The following MCM8 variants were observed in gnomAD, a reference collection of about 807,000 sequenced individuals.
The protein encoded by MCM8 is DNA helicase MCM8.
MCM8 carries 85 observed loss-of-function variants against 98.9 expected under a neutral mutation model. The observed-to-expected ratio is 0.86, with a 90% CI of 0.72 to 1.03. The LOEUF (loss-of-function observed/expected upper bound fraction) is 1.03, where lower values mean the gene tolerates loss of function less well. Ranked by LOEUF, MCM8 falls within the 50% of genes least tolerant of loss-of-function variation. The probability of loss-of-function intolerance (pLI) is 0.00; values close to 1 mark genes in which losing one functional copy is unlikely to be tolerated. For synonymous variants in MCM8, 352 were observed against 338.6 expected (o/e 1.04, Z -0.44); for missense variants, 951 against 997.8 (o/e 0.95, Z 0.63).
intron 10 of MCM8, 81 bp downstream of exon 10, chr20:5,968,106 C>G: frequency 8.1e-7 from 1 of 1,238,780 alleles, no homozygotes. Flanking sequence ...AAAAACTAGT[C>G]AAAATGGTCG....
rs61547047 is a variant in MCM8 at position 5,953,719 on chromosome 20, C to T, written c.254-889C>T. ...TGATCTCCTGACCTCGTTATCCGCC[C>T]GCCTCGGCCTCCCAAAGTGCTAGGA... is the stretch of plus-strand genomic sequence containing the variant. On this transcript the variant is annotated intron_variant, in intron 3 of 18. Transcript: ENST00000610722. Among the ~76,000 whole-genome samples the T allele has an allele frequency of 0.016, 2,439 of 151,908 alleles. 165 individuals are homozygous for T. In the East Asian group the frequency reaches 0.23, roughly 15 times the overall value.
rs1296274282 is a variant in MCM8 at position 5,955,264 on chromosome 20, C to T, written c.486+13C>T. 4 of 1,604,726 alleles carry T rather than the reference C, an allele frequency of 2.5e-6. No individual in the cohort carries two copies. The highest frequency in any genetic ancestry group is 2.2e-5 in the East Asian group (1 of 44,786). ...GGCAATACATCAGGTAACTATTTGT[C>T]TTATGCATACTTTTGTCTAAACTTT... On this transcript the variant is annotated intron_variant, in intron 5 of 18. Transcript: ENST00000610722.
chr20:5,970,843 G>A (rs1332208432), intron 10 of MCM8, among the ~76,000 whole-genome samples: 1 of 152,056 alleles, frequency 6.6e-6, no homozygotes, highest in Admixed American at 6.6e-5. Flanking sequence ...GGGTCTTGCT[G>A]TGTTGCCCAG....
At chr20:5,988,258 C>T (rs1399707522) in intron 17 of MCM8, among the ~76,000 whole-genome samples, 5 of 151,892 alleles carry the variant, frequency 3.3e-5, no homozygotes, top group Non-Finnish European at 7.4e-5. Flanking sequence ...GTCAGGAGTT[C>T]GAGACCAGTC....
At chr20:5,988,059 C>G (rs141896409) in intron 17 of MCM8, among the ~76,000 whole-genome samples, 1 of 152,216 alleles carries the variant, frequency 6.6e-6, no homozygotes, top group East Asian at 1.9e-4. Context: ...TTACCTTAGA[C>G]ATAGATTTTT....
At chr20:5,971,241 C>T (rs1716626760) in intron 10 of MCM8, among the ~76,000 whole-genome samples, 1 of 152,300 alleles carries the variant, frequency 6.6e-6, no homozygotes, top group African/African-American at 2.4e-5. Flanking sequence ...CCTTATTATA[C>T]CTCTCTGGCA....
At chr20:5,967,237 G>A (rs903013076) in intron 8 of MCM8, among the ~76,000 whole-genome samples, 199 bp from the exon 9 acceptor site, 38 of 152,288 alleles carry the variant, frequency 2.5e-4, no homozygotes, top group African/African-American at 8.9e-4. Context: ...ACATTTTGGA[G>A]GGAGGCTAGG....
chr20:5,958,262 G>A (rs946900161), intron 6 of MCM8, among the ~76,000 whole-genome samples: 2 of 152,130 alleles, frequency 1.3e-5, no homozygotes, highest in African/African-American at 2.4e-5. Context: ...CCAGCTACTC[G>A]GGAGACTGAG....
At chr20:5,954,483 G>A in intron 3 of MCM8, 125 bp from the exon 4 acceptor site, 1 of 506,720 alleles carries the variant, frequency 2.0e-6, no homozygotes, top group Non-Finnish European at 3.6e-6. Context: ...TTATATGAAT[G>A]TAATCAAAAT....
chr20:5,990,975 C>G (rs1454410516), intron 17 of MCM8: 2 of 152,204 alleles, frequency 1.3e-5, no homozygotes, highest in Non-Finnish European at 2.9e-5. Flanking sequence ...CTTCTGGTGC[C>G]TGGCTCTCCT....
chr20:5,984,850 T>C lies in MCM8; in HGVS notation c.1803T>C (p.His601=), dbSNP rs774602391. 3.7e-6 allele frequency: 6 copies of C among 1,614,172 alleles called. No homozygotes were observed. The Admixed American group carries it at 6.7e-5, about 18-fold the overall frequency. ...TGTTAGATACTCCAAATGAGCATCA[T>C]GATCACTTACTCTCTGAACATGTGA... is the stretch of plus-strand genomic sequence containing the variant. ...FILLDTPNEH[H]DHLLSEHVIA... Residue 601 remains histidine (H), a synonymous_variant, in exon 15 of 19, where the codon CAT becomes CAC. Transcript: ENST00000610722.
chr20:5,965,249 C>T (rs1394117269), intron 8 of MCM8: 1 of 152,190 alleles, frequency 6.6e-6, no homozygotes, highest in African/African-American at 2.4e-5. Context: ...TCTACTCCTA[C>T]TTGCGTCTTC....
chr20:5,972,320 C>T (rs1210667503), intron 11 of MCM8, among the ~76,000 whole-genome samples: 1 of 151,318 alleles, frequency 6.6e-6, no homozygotes, highest in African/African-American at 2.4e-5. Context: ...TCCTCCTGAC[C>T]TCAGCCTCCT....
At position 5,958,652 on chromosome 20, in the gene MCM8, G is replaced by A; in HGVS notation, c.715G>A (p.Ala239Thr). Residue 239 changes from alanine to threonine, a missense_variant, in exon 7 of 19, where the codon GCT (alanine) becomes ACT (threonine). By Grantham distance (58) the Ala-to-Thr change is moderately conservative. Transcript: ENST00000610722. ...SNIKPLCTKMAFLCAACGEIQ... is the reference protein window; with the variant it reads ...SNIKPLCTKMTFLCAACGEIQ... The stretch of plus-strand genomic sequence containing the variant: ...TATAAAGCCTCTTTGCACCAAGATG[G>A]CTTTTCTTTGTGCTGCATGTGGAGA... 1 of 1,614,096 alleles carries A rather than the reference G, an allele frequency of 6.2e-7. No homozygotes were observed.
chr20:5,969,937 C>T (rs1380837207), intron 10 of MCM8, among the ~76,000 whole-genome samples: 1 of 152,114 alleles, frequency 6.6e-6, no homozygotes, highest in East Asian at 1.9e-4. Flanking sequence ...TTAGTGGTCC[C>T]TCTTCTCCCA....
chr20:5,989,692 C>T (rs939970922), intron 17 of MCM8, among the ~76,000 whole-genome samples: 1 of 152,080 alleles, frequency 6.6e-6, no homozygotes, highest in Non-Finnish European at 1.5e-5. Context: ...TGGTACTGCC[C>T]CATCCCTGGA....
rs1305374006 is a variant in MCM8, at chr20:5,988,144, C to T, written c.2240+786C>T. On this transcript the variant is annotated intron_variant, in intron 17 of 18. Transcript: ENST00000610722. The stretch of plus-strand genomic sequence containing the variant: ...AATTTTTTTAATAGGTCCATACTTT[C>T]ATAAGCTTCAAAATTCCAAAGTTCA... Among the ~76,000 whole-genome samples the T allele has an allele frequency of 3.3e-5, 5 of 151,794 alleles. No individual in the cohort carries two copies. In the East Asian group the frequency reaches 7.7e-4, roughly 23 times the overall value.
chr20:5,985,124 A>G (rs1419079749), intron 15 of MCM8, 124 bp downstream of exon 15: 6 of 715,072 alleles, frequency 8.4e-6, no homozygotes, highest in East Asian at 2.7e-5. Context: ...ATATTTCCAT[A>G]CTAGAGTTTA....
intron 3 of MCM8, among the ~76,000 whole-genome samples, chr20:5,953,905 C>T (rs78898398): frequency 0.034 from 5,233 of 152,048 alleles, 125 homozygotes; most frequent in Middle Eastern, 0.1. Flanking sequence ...GAAATCTGTT[C>T]GTTTTTTTCC....
Sources: allele counts gnomAD v4.1 joint callset (sites outside exome capture counted in the v4.1 genomes callset), GRCh38; gene constraint gnomAD v4.1.1; transcripts MANE v1.5; gene names NCBI Gene and HGNC (gene_info 2026-07-23, HGNC 2026-07-21).